ZNF423: variants seen among roughly 807,000 people sequenced by gnomAD.
The protein encoded by ZNF423 is Ebf-associated zinc finger protein.
ZNF423 carries 12 observed loss-of-function variants against 95.8 expected under a neutral mutation model. The ratio of observed to expected loss-of-function variants is 0.13; its 90% CI spans 0.08 to 0.20. The LOEUF is 0.20. Ranked by LOEUF, ZNF423 falls within the 10% of genes least tolerant of loss-of-function variation. ZNF423 has a pLI of 1.00. For missense variants in ZNF423, 1,316 were observed against 1,737.1 expected (o/e 0.76, Z 4.31); for synonymous variants, 749 against 711.9 (o/e 1.05, Z -0.83).
intron 1 of ZNF423, among the ~76,000 whole-genome samples, chr16:49,845,035 C>CAAAAAAAAAAAAAAAAA (rs71138011): frequency 6.3e-5 from 4 of 63,512 alleles, no homozygotes; most frequent in African/African-American, 2.4e-4. Flanking sequence ...AACTCCATCT[C>CAAAAAAAAAAAAAAAAA]AAAAAAAAAA....
intron 1 of ZNF423, among the ~76,000 whole-genome samples, chr16:49,799,661 T>C (rs1343682663): frequency 1.3e-5 from 2 of 152,222 alleles, no homozygotes; most frequent in Non-Finnish European, 2.9e-5. Context: ...GTAAAATCTA[T>C]ATCTTCGGCA....
Position 49,518,714 on chromosome 16 carries a change from A to G in ZNF423, c.3849+4910T>C, listed in dbSNP as rs191113819. 705 of 336,526 alleles carry G rather than the reference A, an allele frequency of 2.1e-3. 1 individual carries two copies. The highest frequency in any genetic ancestry group is 6.2e-3 in the Middle Eastern group (6 of 964). 20.8% of individuals were successfully genotyped at this position (336,526 alleles called of 1,614,324 possible). The stretch of plus-strand genomic sequence containing the variant: ...CAGAATGTCATGTCAATAAAACCAT[A>G]CAGCATGGAACCTTTTGAGTATGGC... On this transcript the variant is annotated intron_variant, in intron 7 of 7. Transcript: ENST00000563137.
At chr16:49,509,445 C>T (rs1270437272) in intron 7 of ZNF423, among the ~76,000 whole-genome samples, 1 of 152,186 alleles carries the variant, frequency 6.6e-6, no homozygotes, top group Non-Finnish European at 1.5e-5. Context: ...AATTTTCTGC[C>T]ATCTCCTCTT....
At chr16:49,626,539 G>T (rs958023383) in intron 4 of ZNF423, among the ~76,000 whole-genome samples, 31 of 152,010 alleles carry the variant, frequency 2.0e-4, no homozygotes, top group Admixed American at 1.2e-3. Context: ...TCCTTGCTTA[G>T]AAGGGCAAAT....
chr16:49,845,120 G>A (rs1365320749), intron 1 of ZNF423, among the ~76,000 whole-genome samples: 1 of 147,732 alleles, frequency 6.8e-6, no homozygotes, highest in Non-Finnish European at 1.5e-5. Flanking sequence ...TTGTTTGTTT[G>A]TGTTTTTTGG....
intron 3 of ZNF423, among the ~76,000 whole-genome samples, chr16:49,698,426 A>G (rs2032054764): frequency 6.6e-6 from 1 of 152,048 alleles, no homozygotes; most frequent in Non-Finnish European, 1.5e-5. Flanking sequence ...ATCAATTACC[A>G]TTATCTTTCT....
At chr16:49,573,707 A>T (rs373817133) in intron 5 of ZNF423, among the ~76,000 whole-genome samples, 1 of 152,314 alleles carries the variant, frequency 6.6e-6, no homozygotes, top group East Asian at 1.9e-4. Flanking sequence ...TCTCCAACAC[A>T]TGAAATTTGG....
intron 5 of ZNF423, among the ~76,000 whole-genome samples, chr16:49,597,515 C>T (rs1003124900): frequency 3.3e-5 from 5 of 151,958 alleles, no homozygotes; most frequent in African/African-American, 7.3e-5. Flanking sequence ...TTAATTTCAC[C>T]GGTTTCCTTT....
intron 5 of ZNF423, among the ~76,000 whole-genome samples, chr16:49,565,768 G>A (rs1460387886): frequency 6.6e-6 from 1 of 152,186 alleles, no homozygotes; most frequent in African/African-American, 2.4e-5. Context: ...TTACACAACA[G>A]CCAGTACCCT....
intron 3 of ZNF423, among the ~76,000 whole-genome samples, chr16:49,706,292 C>T (rs79544193): frequency 6.6e-6 from 1 of 152,206 alleles, no homozygotes; most frequent in Non-Finnish European, 1.5e-5. Context: ...AACAATTGGA[C>T]CCTCCGTAAG....
At chr16:49,675,962 GC>G (rs755983656) in intron 3 of ZNF423, among the ~76,000 whole-genome samples, 5 of 152,168 alleles carry the variant, frequency 3.3e-5, no homozygotes, top group Non-Finnish European at 5.9e-5. Flanking sequence ...ACACGCACCT[GC>G]ATACATATGC....
At chr16:49,648,745 T>G (rs1973276857) in intron 3 of ZNF423, among the ~76,000 whole-genome samples, 1 of 152,172 alleles carries the variant, frequency 6.6e-6, no homozygotes, top group South Asian at 2.1e-4. Context: ...ACTGCACATA[T>G]TGCTAATATC....
chr16:49,621,538 T>G (rs1001732468), intron 5 of ZNF423, among the ~76,000 whole-genome samples: 3 of 152,096 alleles, frequency 2.0e-5, no homozygotes, highest in African/African-American at 7.2e-5. Flanking sequence ...TCTCCAGCAG[T>G]CCGGGTCCCA....
intron 1 of ZNF423, among the ~76,000 whole-genome samples, chr16:49,793,907 C>G (rs1180784459): frequency 6.6e-6 from 1 of 152,226 alleles, no homozygotes; most frequent in Non-Finnish European, 1.5e-5. Context: ...TCAAGCCCCT[C>G]TGCACACTGG....
At chr16:49,695,926 G>A (rs2031953794) in intron 3 of ZNF423, among the ~76,000 whole-genome samples, 1 of 152,174 alleles carries the variant, frequency 6.6e-6, no homozygotes, top group South Asian at 2.1e-4. Flanking sequence ...ACCCTGAGGT[G>A]GGTACTATTA....
At chr16:49,757,190 C>T (rs371824295) in intron 2 of ZNF423, among the ~76,000 whole-genome samples, 11 of 152,294 alleles carry the variant, frequency 7.2e-5, no homozygotes, top group South Asian at 6.2e-4. Context: ...TTTTAATCAA[C>T]GCTTATTTAT....
At chr16:49,517,719 T>A in intron 7 of ZNF423, 1 of 241,902 alleles carries the variant, frequency 4.1e-6, no homozygotes, top group Non-Finnish European at 8.2e-6. Flanking sequence ...TAATGGTGAG[T>A]TTCTTGGTAA....
intron 7 of ZNF423, among the ~76,000 whole-genome samples, chr16:49,494,152 C>T (rs1212264557): frequency 6.6e-6 from 1 of 152,180 alleles, no homozygotes; most frequent in African/African-American, 2.4e-5. Context: ...ACACCTGGGA[C>T]CACTGGTGAG....
rs553873808 is a variant in ZNF423, at chr16:49,679,644, G to T, written c.302-40770C>A. ...GAGGGAGCTAAGGGTGGCTCAGCGT[G>T]GGCCTGCAGGTGCCCCTCGGCACAA... On this transcript the variant is annotated intron_variant, in intron 3 of 7. Transcript: ENST00000563137. Among the ~76,000 whole-genome samples, 4 of 152,378 alleles carry T rather than the reference G, an allele frequency of 2.6e-5. No individual in the cohort carries two copies. In the East Asian group the frequency reaches 5.8e-4, roughly 22 times the overall value.
Sources: gnomAD v4.1 joint callset for allele counts (sites outside exome capture counted in the v4.1 genomes callset) on GRCh38, gnomAD v4.1.1 for gene constraint, MANE v1.5 for transcripts, NCBI Gene and HGNC (gene_info 2026-07-23, HGNC 2026-07-21) for gene names.